The following POU3F3 variants were observed in gnomAD, a reference collection of about 807,000 sequenced individuals.
The protein encoded by POU3F3 is POU class 3 homeobox 3.
In POU3F3, 1 loss-of-function variant was observed where a neutral mutation model predicts 8.6. That is an observed-to-expected ratio of 0.12 (90% CI 0.04 to 0.55). POU3F3 has a LOEUF of 0.55. Ranked by LOEUF, POU3F3 falls within the 20% of genes least tolerant of loss-of-function variation. The probability of loss-of-function intolerance (pLI) is 0.91; values close to 1 mark genes in which losing one functional copy is unlikely to be tolerated. For synonymous variants in POU3F3, 418 were observed against 327.4 expected, an observed-to-expected ratio of 1.28 and a Z score of -2.99; for missense variants, 577 against 690.7, an observed-to-expected ratio of 0.84 and a Z score of 1.84.
chr2:104,860,019 T>C (rs1676636214), downstream of POU3F3, among the ~76,000 whole-genome samples: 1 of 152,202 alleles, frequency 6.6e-6, no homozygotes, highest in Non-Finnish European at 1.5e-5. Context: ...AGATGGAATC[T>C]TGTTTTTCCT....
At chr2:104,906,831 T>C in the POU3F3 span, among the ~76,000 whole-genome samples, 1 of 152,208 alleles carries the variant, frequency 6.6e-6, no homozygotes, top group Non-Finnish European at 1.5e-5. Context: ...CACATCAGTC[T>C]GATAGCAAGT....
At chr2:104,904,629 T>G in the POU3F3 span, among the ~76,000 whole-genome samples, 2 of 152,062 alleles carry the variant, frequency 1.3e-5, no homozygotes, top group African/African-American at 2.4e-5. Flanking sequence ...CTTATCTAAA[T>G]TGTGGTATAA....
At chr2:104,908,932 T>A in the POU3F3 span, among the ~76,000 whole-genome samples, 1 of 152,260 alleles carries the variant, frequency 6.6e-6, no homozygotes, top group African/African-American at 2.4e-5. Flanking sequence ...ATTCTTTTTC[T>A]TTTTTCTTTC....
At chr2:104,914,476 TTA>T in the POU3F3 span, among the ~76,000 whole-genome samples, 1 of 152,196 alleles carries the variant, frequency 6.6e-6, no homozygotes, top group Admixed American at 6.5e-5. Flanking sequence ...GACTTCTTTT[TTA>T]TGAGGACAGA....
the POU3F3 span, chr2:104,869,745 C>T: frequency 6.3e-4 from 96 of 152,384 alleles, no homozygotes; most frequent in African/African-American, 2.1e-3. Flanking sequence ...CTCCACCGCC[C>T]CTCGCTCCCC....
the POU3F3 span, among the ~76,000 whole-genome samples, chr2:104,916,785 G>C: frequency 2.5e-3 from 377 of 152,286 alleles, 1 homozygote; most frequent in African/African-American, 8.5e-3. Flanking sequence ...CTAACAGAGA[G>C]AGCAAATCCC....
At chr2:104,894,658 T>C in the POU3F3 span, among the ~76,000 whole-genome samples, 3 of 152,140 alleles carry the variant, frequency 2.0e-5, no homozygotes, top group African/African-American at 7.2e-5. Context: ...CAGGACAGAA[T>C]TCAAAAAACA....
At chr2:104,904,712 A>AAAT in the POU3F3 span, among the ~76,000 whole-genome samples, 3 of 152,154 alleles carry the variant, frequency 2.0e-5, no homozygotes, top group South Asian at 2.1e-4. Flanking sequence ...GAGGTACATC[A>AAAT]GTTCCTGTCC....
Position 104,857,203 on chromosome 2 carries a change from G to C in POU3F3, c.*190G>C. ...CGCCCTCCCCTCCACCCAGAGACAG[G>C]CATGCCCGCCCTTGGAGGAGAAAAC... is the stretch of plus-strand genomic sequence containing the variant. On this transcript the variant is annotated 3_prime_UTR_variant, in exon 1 of 1. Coordinates refer to ENST00000361360, the MANE Select transcript of POU3F3 (RefSeq NM_006236.3). 1 of 586,112 alleles carries C rather than the reference G, an allele frequency of 1.7e-6. No homozygotes were observed. The highest frequency in any genetic ancestry group is 2.2e-6 in the Non-Finnish European group (1 of 463,998). 36.3% of individuals were successfully genotyped at this position (586,112 alleles called of 1,614,324 possible).
chr2:104,861,971 A>G (rs1676664446), downstream of POU3F3, among the ~76,000 whole-genome samples: 4 of 152,316 alleles, frequency 2.6e-5, no homozygotes, highest in South Asian at 6.2e-4. Context: ...CTAGGAAAGG[A>G]AATAGTGCGC....
the POU3F3 span, among the ~76,000 whole-genome samples, chr2:104,920,754 G>T: frequency 1.3e-5 from 2 of 152,144 alleles, no homozygotes. Flanking sequence ...GCTACATGTA[G>T]AAGGGCTCTA....
the POU3F3 span, among the ~76,000 whole-genome samples, chr2:104,916,368 G>T: frequency 9.0e-3 from 1,366 of 152,246 alleles, 26 homozygotes; most frequent in African/African-American, 0.031. Context: ...TGAACCCAAT[G>T]CTTAACAGAT....
chr2:104,925,792 A>G, the POU3F3 span, among the ~76,000 whole-genome samples: 2 of 152,150 alleles, frequency 1.3e-5, no homozygotes, highest in South Asian at 4.1e-4. Context: ...AAATTAGCCC[A>G]GCCATAAAGA....
downstream of POU3F3, among the ~76,000 whole-genome samples, chr2:104,861,033 T>C (rs1676650200): frequency 6.6e-6 from 1 of 152,268 alleles, no homozygotes; most frequent in Admixed American, 6.5e-5. Flanking sequence ...TTTTAAATTA[T>C]ATATTTGTAA....
chr2:104,921,489 A>C, the POU3F3 span, among the ~76,000 whole-genome samples: 1 of 152,090 alleles, frequency 6.6e-6, no homozygotes, highest in East Asian at 1.9e-4. Flanking sequence ...CACCCATAAC[A>C]TCTACTCAGA....
chr2:104,874,711 TTCTA>T, the POU3F3 span, among the ~76,000 whole-genome samples: 1 of 152,224 alleles, frequency 6.6e-6, no homozygotes, highest in African/African-American at 2.4e-5. Context: ...GACTGAGGCC[TTCTA>T]TCTGTCTTCC....
chr2:104,881,088 C>T, the POU3F3 span, among the ~76,000 whole-genome samples: 4 of 134,608 alleles, frequency 3.0e-5, no homozygotes, highest in African/African-American at 1.1e-4. Context: ...TACTTTTATT[C>T]ATATATATTT....
the POU3F3 span, among the ~76,000 whole-genome samples, chr2:104,914,727 T>G: frequency 2.0e-5 from 3 of 152,110 alleles, no homozygotes; most frequent in East Asian, 5.8e-4. Flanking sequence ...TATAGCATGA[T>G]GTTCCCTGCA....
chr2:104,862,519 G>T (rs1247216664), downstream of POU3F3, among the ~76,000 whole-genome samples: 2 of 152,000 alleles, frequency 1.3e-5, no homozygotes, highest in Non-Finnish European at 2.9e-5. Flanking sequence ...AGGCAGCCGG[G>T]CGTCCAAAGC....
Sources: allele counts gnomAD v4.1 joint callset (sites outside exome capture counted in the v4.1 genomes callset), GRCh38; gene constraint gnomAD v4.1.1; transcripts MANE v1.5; gene names NCBI Gene and HGNC (gene_info 2026-07-23, HGNC 2026-07-21).